NUMA1: variants seen among roughly 807,000 people sequenced by gnomAD.
NUMA1 encodes the protein nuclear mitotic apparatus protein 1.
Under a neutral mutation model 237.1 loss-of-function variants are expected in NUMA1, and 62 were observed. That is an observed-to-expected ratio of 0.26 (90% CI 0.21 to 0.32). The LOEUF (loss-of-function observed/expected upper bound fraction) is 0.32. Among genes scored for constraint, NUMA1 ranks in the 10% least tolerant of loss-of-function variants. The probability of loss-of-function intolerance (pLI) is 1.00; values close to 1 mark genes in which losing one functional copy is unlikely to be tolerated. For synonymous variants in NUMA1, 1,028 were observed against 1,066.1 expected, an observed-to-expected ratio of 0.96 and a Z score of 0.70; for missense variants, 2,533 against 2,666.5, an observed-to-expected ratio of 0.95 and a Z score of 1.10.
intron 1 of NUMA1, among the ~76,000 whole-genome samples, chr11:72,071,945 A>G (rs1032766798): frequency 2.0e-5 from 3 of 152,190 alleles, no homozygotes; most frequent in Non-Finnish European, 4.4e-5. Context: ...TGTGACAGAT[A>G]TAATAGGCAC....
chr11:72,020,768 G>A (rs1376621863), intron 8 of NUMA1: 1 of 153,438 alleles, frequency 6.5e-6, no homozygotes, highest in African/African-American at 2.4e-5. Context: ...AGCTACTCGG[G>A]AGGCTAAGCA....
intron 1 of NUMA1, among the ~76,000 whole-genome samples, chr11:72,074,225 C>A (rs868241421): frequency 2.5e-5 from 1 of 40,810 alleles, no homozygotes; most frequent in African/African-American, 7.8e-5. Flanking sequence ...TAGTGGTGTG[C>A]GCCTGTAATC....
intron 2 of NUMA1, chr11:72,065,816 G>A (rs1565291378): frequency 1.3e-5 from 2 of 152,176 alleles, no homozygotes; most frequent in South Asian, 4.1e-4. Context: ...ATCATCTTTG[G>A]TGGGTCAGTG....
chr11:72,040,340 C>T (rs1391306268), intron 2 of NUMA1, among the ~76,000 whole-genome samples: 1 of 152,080 alleles, frequency 6.6e-6, no homozygotes, highest in Non-Finnish European at 1.5e-5. Flanking sequence ...CCCTTCTCCC[C>T]GTTCTCTGGA....
In NUMA1 at chr11:72,014,450, G is replaced by T; in HGVS notation, c.3053C>A (p.Ala1018Asp). The change falls in exon 15 of 27, where the codon GCT becomes GAT. Residue 1018 changes from alanine (A) to aspartate (D), a missense_variant. Physicochemically the swap from Ala to Asp is moderately radical, Grantham distance 126 (BLOSUM62 -2). Around this residue, in one of 3 missense-constraint regions of NUMA1, gnomAD observed 1,414 missense variants for 1,508.1 expected, o/e 0.94. Transcript: ENST00000393695. The surrounding 1 kb of genome is among the most constrained non-coding windows in gnomAD (Gnocchi z 4.6). ...GGCCGCCTTCTCCAGGGCAAGGTCA[G>T]CCTGGGCACGGCCCCGCTCCTGGGT... ...RLTQERGRAQ[A>D]DLALEKAARA... 6.2e-7 allele frequency: 1 copy of T among 1,605,096 alleles called. No individual in the cohort carries two copies. The highest frequency in any genetic ancestry group is 2.2e-5 in the East Asian group (1 of 44,846).
chr11:72,029,181 GA>G, intron 4 of NUMA1, 23 bp downstream of exon 4: 1 of 1,574,600 alleles, frequency 6.4e-7, no homozygotes, highest in Non-Finnish European at 8.7e-7. Context: ...TTAGAGGCTA[GA>G]AAGGGGTATG....
intron 2 of NUMA1, among the ~76,000 whole-genome samples, chr11:72,044,934 G>C (rs1490752924): frequency 6.6e-6 from 1 of 152,068 alleles, no homozygotes; most frequent in Non-Finnish European, 1.5e-5. Flanking sequence ...CCAAGTGCTG[G>C]ATTACAGGTG....
chr11:72,019,238 G>A (rs1199134763), intron 9 of NUMA1, among the ~76,000 whole-genome samples: 1 of 152,120 alleles, frequency 6.6e-6, no homozygotes, highest in Admixed American at 6.5e-5. Flanking sequence ...TGTGCTAAGA[G>A]AAGAGACTTC....
chr11:72,013,585 C>T lies in NUMA1; in HGVS notation c.3918G>A (p.Val1306=), dbSNP rs1956292715. Residue 1306 remains valine (V), a synonymous_variant, in exon 15 of 27, where the codon GTG becomes GTA. Coordinates refer to ENST00000393695, the MANE Select transcript of NUMA1 (RefSeq NM_006185.4). The surrounding 1 kb of genome is among the most constrained non-coding windows in gnomAD (Gnocchi z 6.8). The part of the protein sequence containing the change: ...SLREEAEKQR[V]ASENLRQELT... Reference sequence around the variant, plus strand: ...GCTCCTGCCGCAGGTTCTCTGAAGCCACCCGCTGTTTCTCAGCCTCCTCCC... The same window carrying T: ...GCTCCTGCCGCAGGTTCTCTGAAGCTACCCGCTGTTTCTCAGCCTCCTCCC... 1.9e-6 allele frequency: 3 copies of T among 1,612,984 alleles called. No individual in the cohort carries two copies. Among genetic ancestry groups the T allele is most frequent in the Non-Finnish European group, 2.5e-6 (3 of 1,180,018 alleles).
At position 72,016,565 on chromosome 11, in the gene NUMA1, G is replaced by A. The variant is rs139157825; in HGVS notation, c.1120-35C>T. 2.5e-6 allele frequency: 4 copies of A among 1,605,484 alleles called. No homozygotes were observed. In the African/African-American group the frequency reaches 5.3e-5, roughly 21 times the overall value. ...AATGAGACCCATGTGAACAGAGAGG[G>A]GGAACAGGCACCAGATTACCACACA... On this transcript the variant is annotated intron_variant, in intron 13 of 26. Transcript: ENST00000393695.
chr11:72,008,969 G>T lies in NUMA1; in HGVS notation c.5056C>A (p.Gln1686Lys). Reference protein sequence around the residue: ...LTAQVRSLEAQVAHADQQLRD... With the variant: ...LTAQVRSLEAKVAHADQQLRD... ...GAGTCTGCCAGCCAAATTCTTACCTGTGCCTCCAGGCTGCGCACCTGGGCA... is the reference window on the plus strand; with the variant it reads ...GAGTCTGCCAGCCAAATTCTTACCTTTGCCTCCAGGCTGCGCACCTGGGCA... Residue 1686 changes from glutamine (Q) to lysine (K), a missense_variant and splice_region_variant, in exon 19 of 27, where the codon CAG becomes AAG. Physicochemically the swap from Gln to Lys is moderately conservative, Grantham distance 53. Transcript: ENST00000393695. 2 of 1,613,946 alleles carry T rather than the reference G, an allele frequency of 1.2e-6. No homozygotes were observed. Among genetic ancestry groups the T allele is most frequent in the African/African-American group, 1.3e-5 (1 of 75,038 alleles).
intron 20 of NUMA1, chr11:72,007,951 G>A (rs1269392726): frequency 1.1e-5 from 4 of 376,144 alleles, no homozygotes; most frequent in African/African-American, 2.1e-5. Context: ...CACTGACAGA[G>A]GAAGATGAGT....
At position 72,013,768 on chromosome 11, in the gene NUMA1, C is replaced by G. The variant is rs374109028; in HGVS notation, c.3735G>C (p.Glu1245Asp). 4.4e-5 allele frequency: 71 copies of G among 1,609,972 alleles called. No individual in the cohort carries two copies. The highest frequency in any genetic ancestry group is 5.4e-5 in the Non-Finnish European group (64 of 1,180,030). The change falls in exon 15 of 27, where the codon GAG (glutamate) becomes GAC (aspartate). Residue 1245 changes from glutamate (E) to aspartate (D), a missense_variant. Coordinates refer to ENST00000393695, the MANE Select transcript of NUMA1 (RefSeq NM_006185.4). This position sits in a 1 kb window ranked among gnomAD's most constrained non-coding sequence, Gnocchi z 6.8. ...SILNRQVLEK[E>D]GESKELKRLV... Reference sequence around the variant, plus strand: ...GCCGCTTCAACTCCTTGCTCTCCCCCTCCTTCTCCAGGACCTGGCGATTCA... The same window carrying G: ...GCCGCTTCAACTCCTTGCTCTCCCCGTCCTTCTCCAGGACCTGGCGATTCA...
chr11:72,061,467 G>A (rs909065147), intron 2 of NUMA1, among the ~76,000 whole-genome samples: 5 of 143,740 alleles, frequency 3.5e-5, no homozygotes, highest in Non-Finnish European at 6.1e-5. Flanking sequence ...ACTACTCTTC[G>A]TCTTCCTTGT....
At position 72,063,800 on chromosome 11, in the gene NUMA1, C is replaced by T. The variant is rs1230700919; in HGVS notation, c.-33+6042G>A. On this transcript the variant is annotated intron_variant, in intron 2 of 26. Transcript: ENST00000393695. ...GGTGTGGTGGCATACACCTATAGTC[C>T]CAGCTACTCAGGAGGCTAAGGTGGG... Among the ~76,000 whole-genome samples the T allele has an allele frequency of 2.0e-5, 3 of 151,048 alleles. No homozygotes were observed. The East Asian group carries it at 5.9e-4, about 30-fold the overall frequency.
intron 1 of NUMA1, 83 bp from the exon 2 acceptor site, chr11:72,069,994 T>C (rs1165254839): frequency 6.6e-6 from 1 of 152,154 alleles, no homozygotes; most frequent in Non-Finnish European, 1.5e-5. Context: ...CACATTATCC[T>C]GGGCAACCCC....
intron 2 of NUMA1, among the ~76,000 whole-genome samples, chr11:72,042,387 T>C (rs1255224800): frequency 6.6e-6 from 1 of 152,224 alleles, no homozygotes; most frequent in Non-Finnish European, 1.5e-5. Flanking sequence ...ATAAGAAATA[T>C]GACTTGAAGA....
At chr11:72,038,909 C>A (rs1025479144) in intron 2 of NUMA1, among the ~76,000 whole-genome samples, 2 of 152,078 alleles carry the variant, frequency 1.3e-5, no homozygotes, top group Non-Finnish European at 2.9e-5. Flanking sequence ...AAAACAGAGG[C>A]CTCACCGAGC....
intron 10 of NUMA1, 142 bp from the exon 11 acceptor site, chr11:72,018,655 G>A (rs1465248267): frequency 3.7e-6 from 4 of 1,075,602 alleles, no homozygotes; most frequent in South Asian, 1.5e-5. Flanking sequence ...CTAAGGGAAA[G>A]AGAAGATGGG....
Sources: gnomAD v4.1 joint callset for allele counts (sites outside exome capture counted in the v4.1 genomes callset) on GRCh38, gnomAD v4.1.1 for gene constraint, gnomAD v4.1.1 regional missense constraint, Gnocchi (gnomAD v3.1) non-coding constraint, MANE v1.5 for transcripts, NCBI Gene and HGNC (gene_info 2026-07-23, HGNC 2026-07-21) for gene names.